Variants in CHD2 observed in about 807,000 individuals in gnomAD.
CHD2 encodes the protein ATP-dependent chromatin remodeler CHD2.
CHD2 carries 28 observed loss-of-function variants against 243.9 expected under a neutral mutation model. That is an observed-to-expected ratio of 0.11 (90% confidence interval 0.09 to 0.16). The LOEUF (loss-of-function observed/expected upper bound fraction) is 0.16. Ranked by LOEUF, CHD2 falls within the 10% of genes least tolerant of loss-of-function variation. The pLI is 1.00. For missense variants in CHD2, 1,386 were observed against 2,209.8 expected (o/e 0.63, Z 7.47); for synonymous variants, 775 against 779.0 (o/e 0.99, Z 0.09).
chr15:93,011,114 A>G (rs1191486894), intron 35 of CHD2, among the ~76,000 whole-genome samples: 1 of 152,076 alleles, frequency 6.6e-6, no homozygotes, highest in Non-Finnish European at 1.5e-5. Context: ...ACTGATTAGA[A>G]GATAGCAAAA....
intron 9 of CHD2, chr15:92,943,884 A>G (rs2053421192): frequency 6.6e-6 from 1 of 152,290 alleles, no homozygotes; most frequent in Non-Finnish European, 1.5e-5. Flanking sequence ...CTCAAAACTG[A>G]AAATATGTAC....
At chr15:92,996,126 C>G (rs1430796659) in intron 28 of CHD2, among the ~76,000 whole-genome samples, 1 of 148,932 alleles carries the variant, frequency 6.7e-6, no homozygotes, top group Non-Finnish European at 1.5e-5. Flanking sequence ...CTTCTGTGAT[C>G]ATTTTAATTT....
intron 36 of CHD2, among the ~76,000 whole-genome samples, chr15:93,013,354 G>A (rs2054416495): frequency 6.6e-6 from 1 of 152,184 alleles, no homozygotes; most frequent in South Asian, 2.1e-4. Context: ...CCTTTAGAAG[G>A]GAGTGAAAAT....
intron 24 of CHD2, 111 bp from the exon 25 acceptor site, chr15:92,984,219 A>C (rs1471406505): frequency 4.8e-5 from 38 of 793,162 alleles, no homozygotes; most frequent in Non-Finnish European, 6.0e-5. Context: ...GTAATATCAC[A>C]AAAGTCCTAT....
chr15:92,990,590 C>T (rs1418435149), intron 26 of CHD2, among the ~76,000 whole-genome samples: 2 of 152,166 alleles, frequency 1.3e-5, no homozygotes, highest in Non-Finnish European at 2.9e-5. Context: ...AGGTTTTGTT[C>T]ATATATAATA....
chr15:93,019,183 A>C (rs2054499511), intron 37 of CHD2, among the ~76,000 whole-genome samples: 1 of 152,220 alleles, frequency 6.6e-6, no homozygotes, highest in South Asian at 2.1e-4. Context: ...ATAGGGAAGA[A>C]TAATAGAATC....
intron 7 of CHD2, among the ~76,000 whole-genome samples, chr15:92,941,097 A>G (rs2141783237): frequency 6.7e-6 from 1 of 149,226 alleles, no homozygotes; most frequent in South Asian, 2.1e-4. Flanking sequence ...TGCCTCCCGG[A>G]TTCAAGTGAT....
chr15:92,937,673 G>T (rs777135807), intron 6 of CHD2, 48 bp downstream of exon 6: 3 of 1,350,844 alleles, frequency 2.2e-6, no homozygotes, highest in African/African-American at 2.9e-5. Flanking sequence ...TTAATCTGCT[G>T]TAGATTGGGA....
At chr15:92,958,128 T>C (rs1462621136) in intron 16 of CHD2, among the ~76,000 whole-genome samples, 5 of 152,208 alleles carry the variant, frequency 3.3e-5, no homozygotes, top group Non-Finnish European at 5.9e-5. Flanking sequence ...GACTTAGGAA[T>C]AGAATTGCTG....
Position 92,937,525 on chromosome 15 carries a change from T to A in CHD2, c.451T>A (p.Trp151Arg). Residue 151 changes from tryptophan (W) to arginine (R), a missense_variant, in exon 6 of 39, where the codon TGG becomes AGG. By Grantham distance (101) the Trp-to-Arg change is moderately radical. Transcript: ENST00000394196. Reference protein sequence around the residue: ...GQRQLKKQEKWKQEPSEDEQE... With the variant: ...GQRQLKKQEKRKQEPSEDEQE... Reference sequence around the variant, plus strand: ...TTTTGCTTTTGATCACAGAGAAAAATGGAAACAGGAACCCTCAGAAGATGA... The same window carrying A: ...TTTTGCTTTTGATCACAGAGAAAAAAGGAAACAGGAACCCTCAGAAGATGA... 6.2e-7 allele frequency: 1 copy of A among 1,603,828 alleles called. No individual in the cohort carries two copies. Among genetic ancestry groups the A allele is most frequent in the East Asian group, 2.2e-5 (1 of 44,708 alleles).
chr15:92,946,091 A>C lies in CHD2; in HGVS notation c.1252A>C (p.Met418Leu). 6.2e-7 allele frequency: 1 copy of C among 1,611,428 alleles called. No homozygotes were observed. The highest frequency in any genetic ancestry group is 8.5e-7 in the Non-Finnish European group (1 of 1,178,354). ...SNEPEYLCKW[M>L]GLPYSECSWE... ...TGAGCCCGAATATCTATGTAAATGG[A>C]TGGGACTCCCCTATTCAGAGTGTAG... The change falls in exon 12 of 39, where the codon ATG (methionine) becomes CTG (leucine). Residue 418 changes from methionine to leucine, a missense_variant. This residue lies in a region of CHD2 where 200 missense variants were observed against 292.5 expected (regional missense o/e 0.68). Coordinates refer to ENST00000394196, the MANE Select transcript of CHD2 (RefSeq NM_001271.4).
intron 4 of CHD2, among the ~76,000 whole-genome samples, chr15:92,928,185 G>A (rs923526829): frequency 1.3e-5 from 2 of 152,284 alleles, no homozygotes; most frequent in South Asian, 4.1e-4. Flanking sequence ...CCTAACATCT[G>A]CATTACATTT....
intron 2 of CHD2, among the ~76,000 whole-genome samples, chr15:92,911,495 T>G (rs1008568449): frequency 6.6e-6 from 1 of 152,176 alleles, no homozygotes; most frequent in African/African-American, 2.4e-5. Flanking sequence ...CCCAGCACTT[T>G]CGGAGGCTGA....
intron 5 of CHD2, among the ~76,000 whole-genome samples, chr15:92,933,187 G>A (rs189061245): frequency 5.3e-5 from 8 of 152,122 alleles, no homozygotes; most frequent in Non-Finnish European, 1.0e-4. Context: ...CTGTAGGCAC[G>A]TACAACCACA....
chr15:92,972,063 G>A (rs2053848573), intron 18 of CHD2, 136 bp downstream of exon 18: 1 of 1,073,936 alleles, frequency 9.3e-7, no homozygotes, highest in Non-Finnish European at 1.3e-6. Context: ...GGAGAGAAAA[G>A]GTAACTAAGA....
In CHD2 at chr15:92,901,191, AAG is replaced by A; in HGVS notation, c.-46_-45del. 1 of 1,200,266 alleles carries A rather than the reference AAG, an allele frequency of 8.3e-7. No homozygotes were observed. Among genetic ancestry groups the A allele is most frequent in the Non-Finnish European group, 1.2e-6 (1 of 810,440 alleles). 74.4% of individuals were successfully genotyped at this position (1,200,266 alleles called of 1,614,324 possible). On this transcript the variant is annotated 5_prime_UTR_variant, in exon 2 of 39. Coordinates refer to ENST00000394196, the MANE Select transcript of CHD2 (RefSeq NM_001271.4). ...GTAAATACCTGGGCACAGGACTTCA[AAG>A]CAAACACAGATTCCCCCTCCCCCTT...
At chr15:92,912,396 G>C (rs370384187) in intron 2 of CHD2, among the ~76,000 whole-genome samples, 1 of 152,162 alleles carries the variant, frequency 6.6e-6, no homozygotes, top group East Asian at 1.9e-4. Context: ...TCGCTCTGTC[G>C]CCTGGGCTGG....
At chr15:92,904,256 C>G (rs2052574909) in intron 2 of CHD2, 1 of 157,886 alleles carries the variant, frequency 6.3e-6, no homozygotes, top group Non-Finnish European at 1.4e-5. Flanking sequence ...GTGTACTCGC[C>G]AAACAGCAGG....
At chr15:92,926,236 G>GT (rs1250811150) in intron 3 of CHD2, among the ~76,000 whole-genome samples, 1 of 152,118 alleles carries the variant, frequency 6.6e-6, no homozygotes, top group African/African-American at 2.4e-5. Context: ...ACCTCCCAGG[G>GT]TGGTGGGATT....
Sources: gnomAD v4.1 joint callset for allele counts (sites outside exome capture counted in the v4.1 genomes callset) on GRCh38, gnomAD v4.1.1 for gene constraint, gnomAD v4.1.1 regional missense constraint, MANE v1.5 for transcripts, NCBI Gene and HGNC (gene_info 2026-07-23, HGNC 2026-07-21) for gene names.